Variants in FGF12 observed in about 807,000 individuals in gnomAD.
FGF12 encodes the protein fibroblast growth factor 12, also known as fibroblast growth factor 12B.
Under a neutral mutation model 23.6 loss-of-function variants are expected in FGF12, and 14 were observed. The ratio of observed to expected loss-of-function variants is 0.59; its 90% CI spans 0.39 to 0.93. The LOEUF (loss-of-function observed/expected upper bound fraction) is 0.93, where lower values mean the gene tolerates loss of function less well. Among genes scored for constraint, FGF12 ranks in the 40% least tolerant of loss-of-function variants. The pLI is 0.00. For missense variants in FGF12, 175 were observed against 217.8 expected (o/e 0.80, Z 1.24); for synonymous variants, 62 against 77.3 (o/e 0.80, Z 1.04).
chr3:192,394,579 G>C (rs1720439926), intron 2 of FGF12, among the ~76,000 whole-genome samples: 1 of 152,140 alleles, frequency 6.6e-6, no homozygotes, highest in Admixed American at 6.6e-5. Context: ...ATCATTGATA[G>C]TAACCCTTTC....
At chr3:192,405,106 C>A (rs1258881334) in intron 2 of FGF12, among the ~76,000 whole-genome samples, 2 of 151,022 alleles carry the variant, frequency 1.3e-5, no homozygotes. Flanking sequence ...TACAAACTTG[C>A]AATGGCTCCA....
intron 2 of FGF12, among the ~76,000 whole-genome samples, chr3:192,708,485 C>T (rs1191889887): frequency 6.6e-6 from 1 of 152,172 alleles, no homozygotes; most frequent in African/African-American, 2.4e-5. Flanking sequence ...AATTTACCTT[C>T]TATTGTATAC....
chr3:192,305,732 G>C (rs918261074), intron 4 of FGF12, among the ~76,000 whole-genome samples: 1 of 145,700 alleles, frequency 6.9e-6, no homozygotes, highest in African/African-American at 2.5e-5. Context: ...TGTGTGAAAA[G>C]ATCTAGAGTT....
At chr3:192,622,126 C>T (rs181961276) in intron 2 of FGF12, among the ~76,000 whole-genome samples, 4 of 152,194 alleles carry the variant, frequency 2.6e-5, no homozygotes, top group Non-Finnish European at 5.9e-5. Flanking sequence ...TTCTCTGTGC[C>T]AACTGGTATG....
intron 4 of FGF12, among the ~76,000 whole-genome samples, chr3:192,182,044 T>G (rs970514259): frequency 2.6e-5 from 4 of 151,742 alleles, no homozygotes; most frequent in Non-Finnish European, 5.9e-5. Flanking sequence ...CAATAAAAAT[T>G]TAAGAACTGA....
chr3:192,304,777 T>G (rs1007940409), intron 4 of FGF12, among the ~76,000 whole-genome samples: 1 of 152,200 alleles, frequency 6.6e-6, no homozygotes, highest in African/African-American at 2.4e-5. Flanking sequence ...ATATCCTCTC[T>G]GCTTCATAAT....
At chr3:192,705,411 G>C (rs1025201539) in intron 2 of FGF12, among the ~76,000 whole-genome samples, 2 of 152,170 alleles carry the variant, frequency 1.3e-5, no homozygotes, top group South Asian at 4.2e-4. Context: ...ACACACACAA[G>C]AATTAACAGG....
intron 2 of FGF12, among the ~76,000 whole-genome samples, chr3:192,580,890 CT>C: frequency 6.6e-6 from 1 of 152,180 alleles, no homozygotes; most frequent in Non-Finnish European, 1.5e-5. Flanking sequence ...TGAGCCACCA[CT>C]TCCGGCCTCA....
At chr3:192,389,571 G>A (rs974629748) in intron 2 of FGF12, among the ~76,000 whole-genome samples, 1 of 152,084 alleles carries the variant, frequency 6.6e-6, no homozygotes, top group Non-Finnish European at 1.5e-5. Flanking sequence ...ATAAAAAGAA[G>A]CAAAAAGCAA....
intron 4 of FGF12, among the ~76,000 whole-genome samples, chr3:192,302,310 AAAATGCTC>A (rs955387242): frequency 5.9e-5 from 9 of 152,300 alleles, no homozygotes; most frequent in Admixed American, 3.3e-4. Context: ...CTGTTATTAG[AAAATGCTC>A]AAATACATCT....
At chr3:192,365,570 T>C (rs1718943686) in intron 2 of FGF12, among the ~76,000 whole-genome samples, 1 of 151,922 alleles carries the variant, frequency 6.6e-6, no homozygotes, top group Non-Finnish European at 1.5e-5. Context: ...TCTCTATAAA[T>C]TAAAAAAAAT....
At position 192,143,990 on chromosome 3, in the gene FGF12, A is replaced by C; in HGVS notation, c.*19T>G. ...GGAAGGGGAAGGGATGAGAGAGGGA[A>C]GAAGGGGAGAGTTCTCAGCTATGTT... On this transcript the variant is annotated 3_prime_UTR_variant, in exon 6 of 6. Coordinates refer to ENST00000445105, the MANE Select transcript of FGF12 (RefSeq NM_004113.6). 4 of 1,415,222 alleles carry C rather than the reference A, an allele frequency of 2.8e-6. No homozygotes were observed. The highest frequency in any genetic ancestry group is 4.0e-6 in the Non-Finnish European group (4 of 998,960). The allele number at this position is 1,415,222 out of a possible 1,614,324, so 87.7% of individuals were successfully genotyped here.
intron 4 of FGF12, among the ~76,000 whole-genome samples, chr3:192,325,972 A>C (rs1349811310): frequency 6.6e-6 from 1 of 152,204 alleles, no homozygotes; most frequent in Non-Finnish European, 1.5e-5. Flanking sequence ...GTGTAGGGTC[A>C]TACTCAGGAA....
At chr3:192,616,810 A>G (rs1714771928) in intron 2 of FGF12, among the ~76,000 whole-genome samples, 1 of 151,666 alleles carries the variant, frequency 6.6e-6, no homozygotes, top group African/African-American at 2.4e-5. Context: ...GTGATCATCA[A>G]TTTATTTTGT....
intron 2 of FGF12, among the ~76,000 whole-genome samples, chr3:192,443,551 C>T (rs1290345885): frequency 2.6e-5 from 4 of 152,128 alleles, no homozygotes; most frequent in African/African-American, 9.7e-5. Flanking sequence ...AAAGCAGTTG[C>T]AACATAATCA....
chr3:192,487,279 C>G (rs1027785716), intron 2 of FGF12, among the ~76,000 whole-genome samples: 7 of 152,154 alleles, frequency 4.6e-5, no homozygotes, highest in Non-Finnish European at 1.0e-4. Flanking sequence ...CCCTTGGGAG[C>G]TGTTCCTAGT....
chr3:192,158,685 T>C (rs1714693752), intron 5 of FGF12, among the ~76,000 whole-genome samples: 1 of 122,360 alleles, frequency 8.2e-6, no homozygotes, highest in Non-Finnish European at 1.6e-5. Flanking sequence ...TCTCTCTCTC[T>C]CTTTCTCCTT....
At chr3:192,560,673 G>C (rs948132699) in intron 2 of FGF12, among the ~76,000 whole-genome samples, 3 of 152,092 alleles carry the variant, frequency 2.0e-5, no homozygotes, top group Non-Finnish European at 2.9e-5. Context: ...AATTTAATTT[G>C]TAAATTAAAA....
intron 2 of FGF12, among the ~76,000 whole-genome samples, chr3:192,601,724 A>G (rs1001691420): frequency 2.0e-5 from 3 of 152,178 alleles, no homozygotes; most frequent in African/African-American, 4.8e-5. Context: ...TGTGGATACC[A>G]AAATCCACAT....
Sources: allele counts gnomAD v4.1 joint callset (sites outside exome capture counted in the v4.1 genomes callset), GRCh38; gene constraint gnomAD v4.1.1; transcripts MANE v1.5; gene names NCBI Gene and HGNC (gene_info 2026-07-23, HGNC 2026-07-21).